The following PRKACB variants were observed in gnomAD, a reference collection of about 807,000 sequenced individuals.
PRKACB encodes cAMP-dependent protein kinase catalytic subunit beta.
Under a neutral mutation model 51.4 loss-of-function variants are expected in PRKACB, and 16 were observed. The ratio of observed to expected loss-of-function variants is 0.31; its 90% CI spans 0.21 to 0.47. The LOEUF is 0.47. Ranked by LOEUF, PRKACB falls within the 20% of genes least tolerant of loss-of-function variation. The pLI is 1.00. For synonymous variants in PRKACB, 147 were observed against 154.4 expected, an observed-to-expected ratio of 0.95 and a Z score of 0.35; for missense variants, 309 against 464.5, an observed-to-expected ratio of 0.67 and a Z score of 3.08.
At chr1:84,199,077 GTATA>G in intron 7 of PRKACB, among the ~76,000 whole-genome samples, 1 of 48,848 alleles carries the variant, frequency 2.0e-5, no homozygotes, top group Non-Finnish European at 7.7e-5. Flanking sequence ...ATGCATATAT[GTATA>G]TATATGCGTA....
At chr1:84,099,369 TGTTA>T (rs79353142) in intron 1 of PRKACB, among the ~76,000 whole-genome samples, 61,407 of 151,586 alleles carry the variant, frequency 0.41, 13,107 homozygotes, top group Non-Finnish European at 0.49. Flanking sequence ...CATAGTAGTA[TGTTA>T]GTTTATATAT....
In PRKACB at chr1:84,120,456, G is replaced by A. The variant is rs981813488; in HGVS notation, c.46+42085G>A. 7.9e-5 allele frequency among the ~76,000 whole-genome samples: 12 copies of A among 152,028 alleles called. No homozygotes were observed. The East Asian group carries it at 9.6e-4, about 12-fold the overall frequency. ...TATCAGCAGGTTGGAAGAAAATATA[G>A]GAGATGGTAGTAGAGCGCCTCAAAA... On this transcript the variant is annotated intron_variant, in intron 1 of 8. Coordinates refer to the PRKACB transcript ENST00000370688.
At chr1:84,225,241 G>A (rs796722067) in intron 9 of PRKACB, among the ~76,000 whole-genome samples, 2 of 152,330 alleles carry the variant, frequency 1.3e-5, no homozygotes, top group African/African-American at 4.8e-5. Flanking sequence ...ATAGCATCCA[G>A]TTGGGCCAGT....
At chr1:84,185,681 G>A (rs1167413924) in intron 5 of PRKACB, among the ~76,000 whole-genome samples, 1 of 151,844 alleles carries the variant, frequency 6.6e-6, no homozygotes, top group Non-Finnish European at 1.5e-5. Context: ...ATAATTTAAC[G>A]GGAGTTTGTA....
chr1:84,208,699 A>G (rs1273022846), intron 8 of PRKACB, among the ~76,000 whole-genome samples: 1 of 152,196 alleles, frequency 6.6e-6, no homozygotes, highest in African/African-American at 2.4e-5. Context: ...TTCTAATGGG[A>G]AGGCTTAAAA....
At chr1:84,159,065 GTGTAAGTCCTCCAACTT>G (rs1427754377) in intron 1 of PRKACB, among the ~76,000 whole-genome samples, 7 of 152,096 alleles carry the variant, frequency 4.6e-5, no homozygotes, top group Non-Finnish European at 8.8e-5. Context: ...AAATCACATA[GTGTAAGTCCTCCAACTT>G]TGTTCTTCTT....
intron 1 of PRKACB, among the ~76,000 whole-genome samples, chr1:84,113,874 C>CT (rs1199393774): frequency 6.6e-6 from 1 of 152,044 alleles, no homozygotes; most frequent in Admixed American, 6.6e-5. Flanking sequence ...ACTGAGGCTC[C>CT]TTTTTTGGGA....
chr1:84,170,975 T>A (rs949881174), intron 1 of PRKACB, among the ~76,000 whole-genome samples: 42 of 151,672 alleles, frequency 2.8e-4, no homozygotes, highest in African/African-American at 9.9e-4. Context: ...AAATTTCAAA[T>A]GATTGATATA....
At chr1:84,186,447 G>T (rs1665141410) in intron 5 of PRKACB, among the ~76,000 whole-genome samples, 1 of 151,978 alleles carries the variant, frequency 6.6e-6, no homozygotes, top group Admixed American at 6.6e-5. Context: ...TCGAACTCCT[G>T]ATCTCAAGTG....
At chr1:84,160,976 T>G (rs1656111061) in intron 1 of PRKACB, among the ~76,000 whole-genome samples, 1 of 151,974 alleles carries the variant, frequency 6.6e-6, no homozygotes, top group African/African-American at 2.4e-5. Flanking sequence ...ATTTTATAAA[T>G]GTCAAGATTT....
intron 9 of PRKACB, among the ~76,000 whole-genome samples, chr1:84,230,251 G>A (rs1205345959): frequency 2.7e-5 from 4 of 150,746 alleles, no homozygotes; most frequent in Admixed American, 6.6e-5. Flanking sequence ...GTAGATATGT[G>A]GCATTATTTC....
At chr1:84,124,136 C>T (rs192657635) in intron 1 of PRKACB, among the ~76,000 whole-genome samples, 2 of 152,226 alleles carry the variant, frequency 1.3e-5, no homozygotes. Context: ...ACTGTGTGAT[C>T]ATCAGTGTGT....
At position 84,236,795 on chromosome 1, in the gene PRKACB, A is replaced by G. The variant is rs1027846364; in HGVS notation, c.*1490A>G. ...TTTTTCTTTGCTTTTAATTTTCCCC[A>G]TCTGATTTTATCTCTGCGTTTCAGT... On this transcript the variant is annotated 3_prime_UTR_variant, in exon 10 of 10. Coordinates refer to ENST00000370685, the MANE Select transcript of PRKACB (RefSeq NM_182948.4). 2.0e-5 allele frequency: 3 copies of G among 152,498 alleles called. No homozygotes were observed. The highest frequency in any genetic ancestry group is 4.4e-5 in the Non-Finnish European group (3 of 67,980). 9.4% of individuals were successfully genotyped at this position (152,498 alleles called of 1,614,324 possible).
At chr1:84,175,445 T>C (rs1660918007) in intron 1 of PRKACB, among the ~76,000 whole-genome samples, 11 of 151,758 alleles carry the variant, frequency 7.2e-5, no homozygotes, top group Admixed American at 7.2e-4. Flanking sequence ...ATACTCTTTT[T>C]ATCATAAGCA....
chr1:84,179,277 G>A (rs1422146537), intron 2 of PRKACB, 39 bp downstream of exon 2: 2 of 1,501,452 alleles, frequency 1.3e-6, no homozygotes, highest in Non-Finnish European at 1.8e-6. Flanking sequence ...TAAAAATCTT[G>A]TATTAATAAA....
At chr1:84,230,515 C>T (rs1270408760) in intron 9 of PRKACB, among the ~76,000 whole-genome samples, 1 of 152,146 alleles carries the variant, frequency 6.6e-6, no homozygotes, top group Non-Finnish European at 1.5e-5. Flanking sequence ...CTATAAATTA[C>T]CTTGGGCAGT....
intron 5 of PRKACB, among the ~76,000 whole-genome samples, chr1:84,187,122 A>G (rs1248589853): frequency 6.6e-6 from 1 of 152,180 alleles, no homozygotes; most frequent in Non-Finnish European, 1.5e-5. Context: ...TGCTATAGCC[A>G]TTGACTAACA....
At chr1:84,199,439 G>GAT (rs922402382) in intron 7 of PRKACB, among the ~76,000 whole-genome samples, 33 of 152,202 alleles carry the variant, frequency 2.2e-4, no homozygotes, top group African/African-American at 7.5e-4. Flanking sequence ...TGCTGAGGAT[G>GAT]ATAGCCTCCA....
At chr1:84,082,137 A>G (rs755611483) in intron 1 of PRKACB, among the ~76,000 whole-genome samples, 1 of 152,234 alleles carries the variant, frequency 6.6e-6, no homozygotes, top group Admixed American at 6.5e-5. Context: ...ATGAAGGCTC[A>G]GAGAGCCTAA....
Sources: gnomAD v4.1 joint callset for allele counts (sites outside exome capture counted in the v4.1 genomes callset) on GRCh38, gnomAD v4.1.1 for gene constraint, MANE v1.5 for transcripts, NCBI Gene and HGNC (gene_info 2026-07-23, HGNC 2026-07-21) for gene names.